KCND3: variants seen among roughly 807,000 people sequenced by gnomAD.
The protein encoded by KCND3 is A-type voltage-gated potassium channel KCND3.
Under a neutral mutation model 51.1 loss-of-function variants are expected in KCND3, and 9 were observed. The ratio of observed to expected loss-of-function variants is 0.18; its 90% CI spans 0.11 to 0.31. KCND3 has a LOEUF of 0.31. KCND3 is among the 10% of genes least tolerant of loss of function. The pLI is 1.00. For synonymous variants in KCND3, 349 were observed against 368.0 expected (o/e 0.95, Z 0.59); for missense variants, 526 against 903.8 (o/e 0.58, Z 5.36).
intron 2 of KCND3, among the ~76,000 whole-genome samples, chr1:111,890,571 A>T (rs1669780140): frequency 6.6e-6 from 1 of 152,212 alleles, no homozygotes; most frequent in African/African-American, 2.4e-5. Flanking sequence ...AGTTGGGGAA[A>T]GAGATCAGCA....
chr1:111,964,122 C>A (rs1369186073), intron 2 of KCND3, among the ~76,000 whole-genome samples: 5 of 152,214 alleles, frequency 3.3e-5, no homozygotes, highest in Admixed American at 3.3e-4. Flanking sequence ...GCCATTATGG[C>A]TGCCCAGGCT....
At chr1:111,861,906 G>A (rs1392208208) in intron 2 of KCND3, among the ~76,000 whole-genome samples, 1 of 152,168 alleles carries the variant, frequency 6.6e-6, no homozygotes, top group East Asian at 1.9e-4. Context: ...GGCTCCTGTG[G>A]TCTGAGTTAT....
intron 2 of KCND3, among the ~76,000 whole-genome samples, chr1:111,840,264 A>G (rs1243524944): frequency 1.3e-5 from 2 of 152,140 alleles, no homozygotes; most frequent in Non-Finnish European, 2.9e-5. Flanking sequence ...TTGGGGACAC[A>G]ACACTGGCCT....
At chr1:111,870,709 C>T (rs1668792524) in intron 2 of KCND3, among the ~76,000 whole-genome samples, 1 of 112,462 alleles carries the variant, frequency 8.9e-6, no homozygotes, top group Non-Finnish European at 2.1e-5. Context: ...CATGGGATTG[C>T]ACTCAGTGAA....
intron 2 of KCND3, among the ~76,000 whole-genome samples, chr1:111,934,269 C>A (rs183895850): frequency 6.6e-6 from 1 of 152,304 alleles, no homozygotes; most frequent in Admixed American, 6.5e-5. Flanking sequence ...TCCAGACACC[C>A]CAGCCCCCAG....
intron 2 of KCND3, among the ~76,000 whole-genome samples, chr1:111,876,482 C>A (rs1012001829): frequency 2.6e-5 from 4 of 152,160 alleles, no homozygotes; most frequent in African/African-American, 9.7e-5. Flanking sequence ...ACAATGCATC[C>A]CCACCCCATC....
intron 2 of KCND3, among the ~76,000 whole-genome samples, chr1:111,916,537 T>C (rs1671226801): frequency 6.6e-6 from 1 of 151,864 alleles, no homozygotes; most frequent in South Asian, 2.1e-4. Flanking sequence ...GAAAACTAAA[T>C]CTAAAGTATG....
chr1:111,951,343 C>T (rs1189147055), intron 2 of KCND3, among the ~76,000 whole-genome samples: 2 of 152,070 alleles, frequency 1.3e-5, no homozygotes, highest in East Asian at 3.9e-4. Context: ...TCTCCTGCAC[C>T]ACCTTGCCCA....
At chr1:111,784,468 CA>C (rs11335591) in intron 3 of KCND3, among the ~76,000 whole-genome samples, 1,661 of 152,312 alleles carry the variant, frequency 0.011, 26 homozygotes, top group African/African-American at 0.038. Context: ...TCAGAGGACA[CA>C]GTATCTAAGG....
intron 2 of KCND3, among the ~76,000 whole-genome samples, chr1:111,946,473 CTT>C (rs1672783498): frequency 2.6e-5 from 4 of 152,262 alleles, no homozygotes; most frequent in Admixed American, 2.6e-4. Flanking sequence ...TGTCTGAGTC[CTT>C]CATGCCCTCC....
At chr1:111,849,131 C>T (rs1667695325) in intron 2 of KCND3, among the ~76,000 whole-genome samples, 1 of 152,162 alleles carries the variant, frequency 6.6e-6, no homozygotes, top group South Asian at 2.1e-4. Context: ...TGCAGGTGGC[C>T]CTCAGAGACT....
At chr1:111,942,768 G>A (rs940373879) in intron 2 of KCND3, among the ~76,000 whole-genome samples, 1 of 152,318 alleles carries the variant, frequency 6.6e-6, no homozygotes, top group Admixed American at 6.5e-5. Context: ...AGGGGGTGGA[G>A]CTTCCATTTT....
chr1:111,885,828 A>G (rs1192005211), intron 2 of KCND3, among the ~76,000 whole-genome samples: 1 of 152,034 alleles, frequency 6.6e-6, no homozygotes, highest in East Asian at 1.9e-4. Context: ...GCCTGCCACC[A>G]TGCCCAGCTA....
rs74109796 is a variant in KCND3, at chr1:111,974,171, C to T, written c.1106+7450G>A. Among the ~76,000 whole-genome samples the T allele has an allele frequency of 7.4e-3, 1,124 of 152,174 alleles. 9 individuals carry two copies. Among genetic ancestry groups the T allele is most frequent in the African/African-American group, 0.022 (932 of 41,496 alleles). ...GGGGAAAAGATGCCTGTGTTCTGGC[C>T]GGAGAAAAGCAGGCTGGACAGAGGC... On this transcript the variant is annotated intron_variant, in intron 2 of 7. Coordinates refer to ENST00000302127, the MANE Select transcript of KCND3 (RefSeq NM_001378969.1).
At chr1:111,957,606 A>G (rs1310957801) in intron 2 of KCND3, among the ~76,000 whole-genome samples, 1 of 152,154 alleles carries the variant, frequency 6.6e-6, no homozygotes, top group African/African-American at 2.4e-5. Flanking sequence ...GGAAGAGAGC[A>G]TGGAAGAGCC....
chr1:111,923,027 C>G (rs895545940), intron 2 of KCND3, among the ~76,000 whole-genome samples: 15 of 152,178 alleles, frequency 9.9e-5, no homozygotes, highest in African/African-American at 3.6e-4. Flanking sequence ...AGTGAGGAGG[C>G]CTGGTTCCAC....
chr1:111,809,411 C>A (rs1441018368), intron 2 of KCND3, among the ~76,000 whole-genome samples: 1 of 151,820 alleles, frequency 6.6e-6, no homozygotes, highest in African/African-American at 2.4e-5. Context: ...CAGGTTCATG[C>A]CATTCTCCTG....
At chr1:111,962,965 C>T (rs1673746491) in intron 2 of KCND3, among the ~76,000 whole-genome samples, 1 of 152,204 alleles carries the variant, frequency 6.6e-6, no homozygotes, top group South Asian at 2.1e-4. Context: ...TGACCACCAC[C>T]ATTTGAAGGA....
intron 2 of KCND3, among the ~76,000 whole-genome samples, chr1:111,792,306 C>T (rs1664868667): frequency 1.3e-5 from 2 of 152,146 alleles, no homozygotes; most frequent in South Asian, 4.1e-4. Context: ...GAGGGAAAGT[C>T]CAGAGAGGAC....
Sources: allele counts gnomAD v4.1 joint callset (sites outside exome capture counted in the v4.1 genomes callset), GRCh38; gene constraint gnomAD v4.1.1; transcripts MANE v1.5; gene names NCBI Gene and HGNC (gene_info 2026-07-23, HGNC 2026-07-21).